Variants in CNTNAP2 observed in about 807,000 individuals in gnomAD.
The protein encoded by CNTNAP2 is contactin-associated protein-like 2.
Under a neutral mutation model 155.2 loss-of-function variants are expected in CNTNAP2, and 98 were observed. The ratio of observed to expected loss-of-function variants is 0.63; its 90% CI spans 0.54 to 0.75. The LOEUF is 0.75. Ranked by LOEUF, CNTNAP2 falls within the 30% of genes least tolerant of loss-of-function variation. The pLI, the probability that CNTNAP2 is intolerant of heterozygous loss-of-function variation, is 0.00. For missense variants in CNTNAP2, 1,727 were observed against 1,688.1 expected (o/e 1.02, Z -0.40); for synonymous variants, 651 against 631.2 (o/e 1.03, Z -0.47).
intron 16 of CNTNAP2, among the ~76,000 whole-genome samples, chr7:148,126,448 G>A (rs568501451): frequency 6.6e-6 from 1 of 152,282 alleles, no homozygotes; most frequent in African/African-American, 2.4e-5. Context: ...TCCAAATATA[G>A]ACAAGGAATA....
intron 1 of CNTNAP2, among the ~76,000 whole-genome samples, chr7:146,131,837 G>A (rs1407470525): frequency 3.3e-5 from 5 of 152,042 alleles, no homozygotes; most frequent in South Asian, 2.1e-4. Flanking sequence ...TTATGAGCGC[G>A]GTTTCCCCCA....
intron 13 of CNTNAP2, among the ~76,000 whole-genome samples, chr7:147,705,390 T>C (rs2117009325): frequency 6.6e-6 from 1 of 152,280 alleles, no homozygotes; most frequent in South Asian, 2.1e-4. Flanking sequence ...TTTCTAGTTT[T>C]ATTCCATTGT....
intron 3 of CNTNAP2, among the ~76,000 whole-genome samples, chr7:146,966,076 C>T (rs1463330532): frequency 6.6e-6 from 1 of 152,210 alleles, no homozygotes; most frequent in African/African-American, 2.4e-5. Flanking sequence ...CACAGTGGTG[C>T]TCCTTGAGCC....
chr7:148,100,281 G>A (rs187627507), intron 15 of CNTNAP2, among the ~76,000 whole-genome samples: 22 of 152,092 alleles, frequency 1.4e-4, no homozygotes, highest in African/African-American at 4.8e-4. Context: ...ATCAATGAAC[G>A]AAACACCTAG....
rs369187971 is a variant in CNTNAP2 at position 147,285,780 on chromosome 7, C to T, written c.1349-14361C>T. Reference sequence around the variant, plus strand: ...TGTTCATTTCTCTAACAGGATAACACCAGCCTTGAAGACGGGACCAATAGA... The same window carrying T: ...TGTTCATTTCTCTAACAGGATAACATCAGCCTTGAAGACGGGACCAATAGA... On this transcript the variant is annotated intron_variant, in intron 8 of 23. Transcript: ENST00000361727. 1.8e-4 allele frequency among the ~76,000 whole-genome samples: 27 copies of T among 152,008 alleles called. No individual in the cohort carries two copies. The East Asian group carries it at 2.5e-3, about 14-fold the overall frequency.
intron 4 of CNTNAP2, among the ~76,000 whole-genome samples, chr7:147,066,248 GTCGTCAGTTCTAAGGTTATT>G (rs375787578): frequency 0.011 from 1,606 of 152,186 alleles, 37 homozygotes; most frequent in African/African-American, 0.037. Context: ...TCAGCAGATC[GTCGTCAGTTCTAAGGTTATT>G]TCGTCAGTTC....
chr7:146,511,257 T>A (rs1023589653), intron 1 of CNTNAP2, among the ~76,000 whole-genome samples: 1 of 152,196 alleles, frequency 6.6e-6, no homozygotes, highest in Non-Finnish European at 1.5e-5. Context: ...ATTTCTTCAT[T>A]CCCAGTTTGG....
chr7:148,215,987 A>T (rs1429408216), intron 18 of CNTNAP2, among the ~76,000 whole-genome samples: 1 of 152,226 alleles, frequency 6.6e-6, no homozygotes, highest in Non-Finnish European at 1.5e-5. Flanking sequence ...ATTTAGTGGG[A>T]TGTCAAGTGT....
intron 15 of CNTNAP2, among the ~76,000 whole-genome samples, chr7:147,978,369 G>A (rs1033838969): frequency 1.3e-5 from 2 of 152,102 alleles, no homozygotes; most frequent in African/African-American, 2.4e-5. Context: ...AGTTTATGGT[G>A]ATATAAATAG....
chr7:146,123,320 A>T (rs1321370447), intron 1 of CNTNAP2, among the ~76,000 whole-genome samples: 1 of 152,224 alleles, frequency 6.6e-6, no homozygotes, highest in Non-Finnish European at 1.5e-5. Context: ...TTAGATTCTG[A>T]GAATACTTTT....
At chr7:146,942,406 T>C (rs1221353791) in intron 3 of CNTNAP2, among the ~76,000 whole-genome samples, 1 of 152,072 alleles carries the variant, frequency 6.6e-6, no homozygotes, top group Non-Finnish European at 1.5e-5. Flanking sequence ...TATTGAAATA[T>C]ATAATACATG....
intron 13 of CNTNAP2, among the ~76,000 whole-genome samples, chr7:147,640,491 T>C (rs1795254296): frequency 6.6e-6 from 1 of 152,188 alleles, no homozygotes; most frequent in African/African-American, 2.4e-5. Context: ...ATATTGATTT[T>C]TTAAAATCAT....
chr7:147,969,360 C>G (rs544872522), intron 14 of CNTNAP2, among the ~76,000 whole-genome samples: 56 of 152,112 alleles, frequency 3.7e-4, no homozygotes, highest in African/African-American at 1.3e-3. Context: ...AAACTGGGCC[C>G]CTTCTGATTG....
intron 11 of CNTNAP2, among the ~76,000 whole-genome samples, chr7:147,526,610 T>C (rs540483996): frequency 1.3e-5 from 2 of 152,360 alleles, no homozygotes; most frequent in East Asian, 3.9e-4. Context: ...GTTCATTTTT[T>C]GCCTCGACCA....
intron 1 of CNTNAP2, among the ~76,000 whole-genome samples, chr7:146,545,388 A>G (rs188165508): frequency 4.2e-4 from 63 of 151,616 alleles, no homozygotes; most frequent in Non-Finnish European, 8.6e-4. Context: ...CATGTGCAGA[A>G]CGTGCAGGTT....
intron 3 of CNTNAP2, among the ~76,000 whole-genome samples, chr7:146,948,971 G>A (rs538430663): frequency 2.2e-4 from 33 of 152,220 alleles, no homozygotes; most frequent in African/African-American, 7.0e-4. Context: ...AGAGGAAGCA[G>A]GAATAATACA....
chr7:146,607,007 A>G (rs181641839), intron 1 of CNTNAP2, among the ~76,000 whole-genome samples: 242 of 152,312 alleles, frequency 1.6e-3, no homozygotes, highest in Non-Finnish European at 2.8e-3. Flanking sequence ...TTATTTTGCT[A>G]TTATGAGAAA....
chr7:146,883,397 C>G (rs948249487), intron 3 of CNTNAP2, among the ~76,000 whole-genome samples: 1 of 151,920 alleles, frequency 6.6e-6, no homozygotes, highest in Non-Finnish European at 1.5e-5. Context: ...TCAAAAAATA[C>G]GTTTTTTTCT....
At chr7:147,826,861 G>T (rs1798459464) in intron 13 of CNTNAP2, among the ~76,000 whole-genome samples, 1 of 151,704 alleles carries the variant, frequency 6.6e-6, no homozygotes, top group East Asian at 1.9e-4. Context: ...ACCATCATAT[G>T]GTCTCATCAA....
Sources: allele counts gnomAD v4.1 joint callset (sites outside exome capture counted in the v4.1 genomes callset), GRCh38; gene constraint gnomAD v4.1.1; transcripts MANE v1.5; gene names NCBI Gene and HGNC (gene_info 2026-07-23, HGNC 2026-07-21).